Variants in PNPLA7 observed in about 807,000 individuals in gnomAD.
PNPLA7 encodes the protein patatin like domain 7, lysophospholipase.
In PNPLA7, 153 loss-of-function variants were observed where a neutral mutation model predicts 161.7. That is an observed-to-expected ratio of 0.95 (90% CI 0.83 to 1.08). The LOEUF is 1.08. PNPLA7 is among the 50% of genes least tolerant of loss of function. The pLI is 0.00. For missense variants in PNPLA7, 1,739 were observed against 1,856.6 expected (o/e 0.94, Z 1.16); for synonymous variants, 809 against 782.1 (o/e 1.03, Z -0.57).
Position 137,464,013 on chromosome 9 carries a change from C to T in PNPLA7, c.3226+113G>A, listed in dbSNP as rs1041606182. On this transcript the variant is annotated intron_variant, in intron 28 of 34. Transcript: ENST00000406427. ...TCCTCCATGGACAAAGCTGCCCATACGTCTGCATCCTTCAGGAGACCCCGC... is the reference window on the plus strand; with the variant it reads ...TCCTCCATGGACAAAGCTGCCCATATGTCTGCATCCTTCAGGAGACCCCGC... The T allele has an allele frequency of 2.5e-5, 29 of 1,178,392 alleles. No homozygotes were observed. The South Asian group carries it at 3.1e-4, about 12-fold the overall frequency. 73.0% of individuals were successfully genotyped at this position (1,178,392 alleles called of 1,614,324 possible).
In PNPLA7 at chr9:137,500,513, A is replaced by G. The variant is rs376218023; in HGVS notation, c.1757+178T>C. 2.0e-5 allele frequency among the ~76,000 whole-genome samples: 3 copies of G among 151,886 alleles called. No homozygotes were observed. In the East Asian group the frequency reaches 5.8e-4, roughly 29 times the overall value. ...CGCTGCGGGCAGGTGGGGTCGGCTG[A>G]CTGAGCGCTGGAGCAGGGGGCACAG... On this transcript the variant is annotated intron_variant, in intron 16 of 34. Coordinates refer to ENST00000406427, the MANE Select transcript of PNPLA7 (RefSeq NM_001098537.3). This position sits in a 1 kb window ranked among gnomAD's most constrained non-coding sequence, Gnocchi z 5.5.
At chr9:137,530,267 G>C (rs1835522152) in intron 8 of PNPLA7, among the ~76,000 whole-genome samples, 1 of 152,224 alleles carries the variant, frequency 6.6e-6, no homozygotes, top group South Asian at 2.1e-4. Context: ...ACCTGGCCTT[G>C]AAGTATGAAT....
chr9:137,487,611 C>CAGT (rs1190520617), intron 20 of PNPLA7, among the ~76,000 whole-genome samples: 1 of 152,250 alleles, frequency 6.6e-6, no homozygotes, highest in Non-Finnish European at 1.5e-5. Context: ...TTGCAGCCTA[C>CAGT]ACAGCCTTTG....
intron 10 of PNPLA7, among the ~76,000 whole-genome samples, chr9:137,521,355 A>G (rs1232138043): frequency 6.6e-6 from 1 of 152,240 alleles, no homozygotes; most frequent in Non-Finnish European, 1.5e-5. Flanking sequence ...ATCATCGGAG[A>G]AGGAATTCCA....
intron 29 of PNPLA7, 174 bp downstream of exon 29, chr9:137,463,241 G>A (rs749777252): frequency 1.1e-5 from 7 of 636,292 alleles, no homozygotes; most frequent in East Asian, 2.8e-5. Context: ...ATGTACACGC[G>A]TGTGCATGTT....
rs549794500 is a variant in PNPLA7, at chr9:137,548,033, A to G, written c.31-374T>C. Among the ~76,000 whole-genome samples the G allele has an allele frequency of 3.5e-4, 54 of 152,282 alleles. 3 individuals are homozygous for G. The South Asian group carries it at 0.011, about 30-fold the overall frequency. ...CAGCCCCAGCAGGAGCAGTGCTCAAAACCCCTATGAGCCATCTGGATTCTG... is the reference window on the plus strand; with the variant it reads ...CAGCCCCAGCAGGAGCAGTGCTCAAGACCCCTATGAGCCATCTGGATTCTG... On this transcript the variant is annotated intron_variant, in intron 1 of 34. Coordinates refer to ENST00000406427, the MANE Select transcript of PNPLA7 (RefSeq NM_001098537.3).
chr9:137,503,578 GAGA>G (rs1445304899), intron 14 of PNPLA7, among the ~76,000 whole-genome samples: 2 of 133,656 alleles, frequency 1.5e-5, no homozygotes, highest in East Asian at 2.4e-4. Flanking sequence ...GAAGGAGAAG[GAGA>G]AGGAGGAGGG....
chr9:137,517,563 G>C (rs1370007000), intron 11 of PNPLA7, among the ~76,000 whole-genome samples: 4 of 90,116 alleles, frequency 4.4e-5, no homozygotes, highest in Non-Finnish European at 9.6e-5. Flanking sequence ...ACTCCACTCT[G>C]TCCACTCCAT....
chr9:137,460,755 G>C lies in PNPLA7; in HGVS notation c.3842-18C>G. On this transcript the variant is annotated intron_variant, in intron 33 of 34. Transcript: ENST00000406427. ...AGATTCGTCTGGCACCGAGGGTAGG[G>C]CTGCGTCAGTCCCCTCCCAAGGAAG... 6.2e-7 allele frequency: 1 copy of C among 1,604,452 alleles called. No individual in the cohort carries two copies. Among genetic ancestry groups the C allele is most frequent in the Non-Finnish European group, 8.5e-7 (1 of 1,173,812 alleles).
chr9:137,510,712 ACT>A (rs1301781409), intron 12 of PNPLA7, among the ~76,000 whole-genome samples: 1 of 151,380 alleles, frequency 6.6e-6, no homozygotes, highest in Non-Finnish European at 1.5e-5. Context: ...TTATTTCTAC[ACT>A]CTCTCATCGC....
intron 8 of PNPLA7, among the ~76,000 whole-genome samples, chr9:137,532,177 C>G (rs1270039455): frequency 2.0e-5 from 3 of 152,206 alleles, no homozygotes; most frequent in Non-Finnish European, 1.5e-5. Flanking sequence ...TGGTTCACAC[C>G]TATAATCCCA....
intron 26 of PNPLA7, among the ~76,000 whole-genome samples, chr9:137,465,394 C>G (rs371572897): frequency 6.6e-6 from 1 of 152,184 alleles, no homozygotes; most frequent in Non-Finnish European, 1.5e-5. Context: ...CCAGAGAGCT[C>G]TGGCCATTCC....
At position 137,524,842 on chromosome 9, in the gene PNPLA7, A is replaced by G. The variant is rs999013200; in HGVS notation, c.748-1985T>C. Among the ~76,000 whole-genome samples, 2 of 148,372 alleles carry G rather than the reference A, an allele frequency of 1.3e-5. No individual in the cohort carries two copies. The highest frequency in any genetic ancestry group is 2.9e-5 in the Non-Finnish European group (2 of 67,918). ...GTTTCCGTGGATGCCCCGTGGAATG[A>G]GTTTCCTTGGATGCCCCGTGGAATG... On this transcript the variant is annotated intron_variant, in intron 8 of 34. Transcript: ENST00000406427. This position sits in a 1 kb window ranked among gnomAD's most constrained non-coding sequence, Gnocchi z 4.4.
rs1258801523 is a variant in PNPLA7 at position 137,486,273 on chromosome 9, C to T, written c.2198-1537G>A. Among the ~76,000 whole-genome samples the T allele has an allele frequency of 2.6e-5, 4 of 152,104 alleles. No homozygotes were observed. The highest frequency in any genetic ancestry group is 7.2e-5 in the African/African-American group (3 of 41,400). ...GGGCTTAAGGGCCACTCCCTGCAGACGGCGGCCAGCGGACACCTGCAAGAT... is the reference window on the plus strand; with the variant it reads ...GGGCTTAAGGGCCACTCCCTGCAGATGGCGGCCAGCGGACACCTGCAAGAT... On this transcript the variant is annotated intron_variant, in intron 20 of 34. Coordinates refer to ENST00000406427, the MANE Select transcript of PNPLA7 (RefSeq NM_001098537.3). The surrounding 1 kb of genome is among the most constrained non-coding windows in gnomAD (Gnocchi z 6.0).
At position 137,540,358 on chromosome 9, in the gene PNPLA7, C is replaced by T. The variant is rs1302891168; in HGVS notation, c.747+284G>A. On this transcript the variant is annotated intron_variant, in intron 8 of 34. Coordinates refer to ENST00000406427, the MANE Select transcript of PNPLA7 (RefSeq NM_001098537.3). The surrounding 1 kb of genome is among the most constrained non-coding windows in gnomAD (Gnocchi z 5.1). Reference sequence around the variant, plus strand: ...CGCCTTCCCTCTACAACACTTTGTGCCTTTTGAATGCTGAACCACATGCAT... The same window carrying T: ...CGCCTTCCCTCTACAACACTTTGTGTCTTTTGAATGCTGAACCACATGCAT... 6.6e-6 allele frequency among the ~76,000 whole-genome samples: 1 copy of T among 152,218 alleles called. No individual in the cohort carries two copies. Among genetic ancestry groups the T allele is most frequent in the Non-Finnish European group, 1.5e-5 (1 of 68,038 alleles).
At chr9:137,473,759 G>A (rs1392295042) in intron 25 of PNPLA7, among the ~76,000 whole-genome samples, 2 of 152,204 alleles carry the variant, frequency 1.3e-5, no homozygotes, top group South Asian at 2.1e-4. Flanking sequence ...AGACACCACT[G>A]CAGACCATTA....
chr9:137,479,683 G>A, intron 23 of PNPLA7: 5 of 985,440 alleles, frequency 5.1e-6, no homozygotes, highest in Non-Finnish European at 4.8e-6. Context: ...GACGGGAAAT[G>A]CAAACTGAAG....
intron 12 of PNPLA7, among the ~76,000 whole-genome samples, chr9:137,507,164 T>A (rs1376815712): frequency 6.6e-6 from 1 of 152,258 alleles, no homozygotes; most frequent in Non-Finnish European, 1.5e-5. Context: ...TTCAGCCCGG[T>A]GCACTGTGCT....
chr9:137,467,316 C>T lies in PNPLA7; in HGVS notation c.3039+1G>A, dbSNP rs758468298. ...GGTGAGGGTGATGGGTGCCTGCTTACCTCGGCCCACTGCTTGGCCCGGATC... is the reference window on the plus strand; with the variant it reads ...GGTGAGGGTGATGGGTGCCTGCTTATCTCGGCCCACTGCTTGGCCCGGATC... On this transcript the variant is annotated splice_donor_variant, in intron 26 of 34. Coordinates refer to ENST00000406427, the MANE Select transcript of PNPLA7 (RefSeq NM_001098537.3). LOFTEE classifies it high-confidence loss of function. This position sits in a 1 kb window ranked among gnomAD's most constrained non-coding sequence, Gnocchi z 5.1. The T allele has an allele frequency of 2.5e-5, 41 of 1,612,054 alleles. No homozygotes were observed. The highest frequency in any genetic ancestry group is 3.4e-5 in the Non-Finnish European group (40 of 1,179,246).
Sources: allele counts gnomAD v4.1 joint callset (sites outside exome capture counted in the v4.1 genomes callset), GRCh38; gene constraint gnomAD v4.1.1; non-coding constraint Gnocchi (gnomAD v3.1); transcripts MANE v1.5; gene names NCBI Gene and HGNC (gene_info 2026-07-23, HGNC 2026-07-21).